Variants in COL8A1 observed in about 807,000 individuals in gnomAD.
COL8A1 encodes the protein collagen type VIII alpha 1 chain, also known as collagen alpha-1(VIII) chain.
A neutral mutation model predicts 42.7 loss-of-function variants in COL8A1; 21 were observed. The observed-to-expected ratio is 0.49, with a 90% CI of 0.35 to 0.71. The LOEUF (loss-of-function observed/expected upper bound fraction) is 0.71. COL8A1 is among the 30% of genes least tolerant of loss of function. The pLI is 0.01. For missense variants in COL8A1, 788 were observed against 962.4 expected, an observed-to-expected ratio of 0.82 and a Z score of 2.40; for synonymous variants, 367 against 369.1, an observed-to-expected ratio of 0.99 and a Z score of 0.06.
At chr3:99,758,836 G>C (rs1941310565) in intron 2 of COL8A1, among the ~76,000 whole-genome samples, 1 of 152,062 alleles carries the variant, frequency 6.6e-6, no homozygotes, top group Non-Finnish European at 1.5e-5. Flanking sequence ...GAACCTGGTA[G>C]ACACTCAATG....
intron 2 of COL8A1, among the ~76,000 whole-genome samples, chr3:99,745,708 G>A (rs1941011324): frequency 6.6e-6 from 1 of 151,838 alleles, no homozygotes; most frequent in Non-Finnish European, 1.5e-5. Flanking sequence ...CTTTGTATGT[G>A]GTATTGAATA....
At chr3:99,707,394 T>G (rs1939710147) in intron 1 of COL8A1, among the ~76,000 whole-genome samples, 2 of 152,172 alleles carry the variant, frequency 1.3e-5, no homozygotes, top group African/African-American at 4.8e-5. Context: ...CACATCCAAC[T>G]AAAGAGCTGT....
At chr3:99,697,035 G>A (rs1313848832) in intron 1 of COL8A1, among the ~76,000 whole-genome samples, 1 of 129,542 alleles carries the variant, frequency 7.7e-6, no homozygotes, top group African/African-American at 3.0e-5. Context: ...CGCCCAGGCT[G>A]GAGTGCAGTG....
intron 2 of COL8A1, among the ~76,000 whole-genome samples, chr3:99,780,261 G>A (rs925189659): frequency 1.3e-5 from 2 of 152,192 alleles, no homozygotes; most frequent in Non-Finnish European, 2.9e-5. Flanking sequence ...CCAAGGCACA[G>A]ACAGGTTAAG....
intron 1 of COL8A1, among the ~76,000 whole-genome samples, chr3:99,695,789 A>C (rs555430771): frequency 1.9e-4 from 29 of 152,306 alleles, no homozygotes. Flanking sequence ...TTATATCTAG[A>C]ATACTTGCCC....
rs931778374 is a variant in COL8A1, at chr3:99,655,037, G to A, written c.-129+16373G>A. The stretch of plus-strand genomic sequence containing the variant: ...GATGCCATGAAGGATGGTTTCTACT[G>A]CACCCATAGGTTGCAGTTGAAAGGC... On this transcript the variant is annotated intron_variant, in intron 1 of 3. Coordinates refer to ENST00000652472, the MANE Select transcript of COL8A1 (RefSeq NM_020351.4). Among the ~76,000 whole-genome samples the A allele has an allele frequency of 2.0e-5, 3 of 152,134 alleles. No homozygotes were observed. In the East Asian group the frequency reaches 5.8e-4, roughly 29 times the overall value.
At chr3:99,758,526 T>C (rs1941304182) in intron 2 of COL8A1, among the ~76,000 whole-genome samples, 1 of 152,192 alleles carries the variant, frequency 6.6e-6, no homozygotes, top group South Asian at 2.1e-4. Context: ...GATACTTTAT[T>C]GAAAAGAACC....
chr3:99,771,337 G>A (rs1013586379), intron 2 of COL8A1, among the ~76,000 whole-genome samples: 6 of 152,152 alleles, frequency 3.9e-5, no homozygotes, highest in African/African-American at 1.4e-4. Context: ...TTCATGAAAA[G>A]ACTGATGACC....
At chr3:99,656,912 C>A (rs549757967) in intron 1 of COL8A1, among the ~76,000 whole-genome samples, 2 of 152,308 alleles carry the variant, frequency 1.3e-5, no homozygotes, top group Non-Finnish European at 2.9e-5. Context: ...GGCATGCCAT[C>A]CCCATTGAAG....
intron 1 of COL8A1, among the ~76,000 whole-genome samples, chr3:99,739,634 C>G (rs1430957699): frequency 1.3e-5 from 2 of 152,238 alleles, no homozygotes; most frequent in Non-Finnish European, 2.9e-5. Context: ...ACGGCCCAAG[C>G]TGTACCTTGG....
intron 2 of COL8A1, among the ~76,000 whole-genome samples, chr3:99,769,816 G>A (rs1400848069): frequency 1.3e-5 from 2 of 152,154 alleles, no homozygotes; most frequent in African/African-American, 4.8e-5. Context: ...CTACTCAAGA[G>A]GCTGAGGCAG....
At chr3:99,719,537 C>T (rs1940090986) in intron 1 of COL8A1, among the ~76,000 whole-genome samples, 4 of 152,074 alleles carry the variant, frequency 2.6e-5, no homozygotes, top group Admixed American at 2.6e-4. Flanking sequence ...GATTGCTCTG[C>T]TAAGGTAGTA....
At chr3:99,703,516 AT>A (rs1939599567) in intron 1 of COL8A1, 1 of 152,262 alleles carries the variant, frequency 6.6e-6, no homozygotes, top group African/African-American at 2.4e-5. Flanking sequence ...AAGAAACATC[AT>A]TTTTCCTCAT....
chr3:99,757,304 C>T (rs1318216225), intron 2 of COL8A1, among the ~76,000 whole-genome samples: 1 of 152,132 alleles, frequency 6.6e-6, no homozygotes, highest in East Asian at 1.9e-4. Flanking sequence ...CGGGGTGCAA[C>T]TCTTGTCTAA....
intron 2 of COL8A1, among the ~76,000 whole-genome samples, chr3:99,754,742 C>A (rs1381749057): frequency 2.0e-5 from 3 of 152,160 alleles, no homozygotes; most frequent in Non-Finnish European, 4.4e-5. Flanking sequence ...CCAACCTTCT[C>A]TTACCAGAGA....
chr3:99,721,178 G>T (rs1370721230), intron 1 of COL8A1, among the ~76,000 whole-genome samples: 1 of 152,024 alleles, frequency 6.6e-6, no homozygotes, highest in African/African-American at 2.4e-5. Context: ...CGACTGCCAG[G>T]CAGGCACTCC....
chr3:99,694,637 CTGATAAATCT>C (rs1939317323), intron 1 of COL8A1, among the ~76,000 whole-genome samples: 1 of 152,130 alleles, frequency 6.6e-6, no homozygotes, highest in Non-Finnish European at 1.5e-5. Flanking sequence ...TGTTTTATGC[CTGATAAATCT>C]AAATTATCAA....
intron 1 of COL8A1, among the ~76,000 whole-genome samples, chr3:99,659,173 T>G (rs1290111557): frequency 6.6e-6 from 1 of 152,232 alleles, no homozygotes; most frequent in Non-Finnish European, 1.5e-5. Flanking sequence ...AGTATGTGAC[T>G]CATGGATAAG....
intron 1 of COL8A1, among the ~76,000 whole-genome samples, chr3:99,710,923 T>C (rs1205217105): frequency 6.6e-6 from 1 of 152,100 alleles, no homozygotes; most frequent in African/African-American, 2.4e-5. Context: ...AAAAAATATA[T>C]ACTTTATTTT....
Sources: gnomAD v4.1 joint callset for allele counts (sites outside exome capture counted in the v4.1 genomes callset) on GRCh38, gnomAD v4.1.1 for gene constraint, MANE v1.5 for transcripts, NCBI Gene and HGNC (gene_info 2026-07-23, HGNC 2026-07-21) for gene names.